ABHD4: variants seen among roughly 807,000 people sequenced by gnomAD.
ABHD4 encodes the protein abhydrolase domain containing 4, N-acyl phospholipase B, also known as (Lyso)-N-acylphosphatidylethanolamine lipase.
ABHD4 carries 35 observed loss-of-function variants against 42.3 expected under a neutral mutation model. The ratio of observed to expected loss-of-function variants is 0.83; its 90% CI spans 0.63 to 1.10. The LOEUF (loss-of-function observed/expected upper bound fraction) is 1.10, where lower values mean the gene tolerates loss of function less well. Ranked by LOEUF, ABHD4 falls within the 50% of genes least tolerant of loss-of-function variation. ABHD4 has a pLI of 0.00. For synonymous variants in ABHD4, 169 were observed against 170.6 expected, an observed-to-expected ratio of 0.99 and a Z score of 0.07; for missense variants, 389 against 454.8, an observed-to-expected ratio of 0.86 and a Z score of 1.32.
chr14:22,611,055 A>G lies in ABHD4; in HGVS notation c.*107A>G. The G allele has an allele frequency of 1.0e-6, 1 of 961,678 alleles. No homozygotes were observed. The highest frequency in any genetic ancestry group is 1.6e-6 in the Non-Finnish European group (1 of 616,292). The allele number at this position is 961,678 out of a possible 1,614,324, so 59.6% of individuals were successfully genotyped here. ...CCTCACCAACTAACATGTGCCAGCC[A>G]GGCAGAGTCTTGTGCTGTTCCCAGA... is the stretch of plus-strand genomic sequence containing the variant. On this transcript the variant is annotated 3_prime_UTR_variant, in exon 7 of 7. Transcript: ENST00000428304.
chr14:22,599,712 A>G (rs890720981), intron 1 of ABHD4, among the ~76,000 whole-genome samples: 2 of 152,164 alleles, frequency 1.3e-5, no homozygotes, highest in African/African-American at 4.8e-5. Flanking sequence ...ACAATGTGGG[A>G]TCCAGGTGTT....
intron 2 of ABHD4, among the ~76,000 whole-genome samples, chr14:22,603,121 G>A (rs1488738184): frequency 1.3e-5 from 2 of 152,186 alleles, no homozygotes; most frequent in African/African-American, 4.8e-5. Flanking sequence ...GACTTTGCAG[G>A]ATTCTTGCTA....
intron 5 of ABHD4, 183 bp from the exon 6 acceptor site, chr14:22,609,541 A>G: frequency 1.7e-6 from 1 of 582,064 alleles, no homozygotes. Flanking sequence ...GTTCCTCCGA[A>G]CTCTTCTGTG....
intron 5 of ABHD4, 134 bp from the exon 6 acceptor site, chr14:22,609,590 A>G (rs900935570): frequency 2.6e-5 from 26 of 992,072 alleles, no homozygotes; most frequent in Middle Eastern, 6.7e-4. Flanking sequence ...CCCTAATCTT[A>G]CCAATATTTA....
intron 5 of ABHD4, 104 bp from the exon 6 acceptor site, chr14:22,609,620 T>C: frequency 7.7e-7 from 1 of 1,290,592 alleles, no homozygotes; most frequent in South Asian, 1.4e-5. Context: ...GTGTGGGGCT[T>C]TGACAGGAAT....
Position 22,603,293 on chromosome 14 carries a change from C to T in ABHD4, c.113-97C>T, listed in dbSNP as rs1348045660. 20 of 1,488,276 alleles carry T rather than the reference C, an allele frequency of 1.3e-5. 1 individual carries two copies. The highest frequency in any genetic ancestry group is 5.5e-5 in the African/African-American group (4 of 72,190). The allele number at this position is 1,488,276 out of a possible 1,614,324, so 92.2% of individuals were successfully genotyped here. On this transcript the variant is annotated intron_variant, in intron 2 of 6. Transcript: ENST00000428304. ...GAGCTGAGGGAAGTTGGGGAGGGTT[C>T]GGGAATGGAGAGAATGTGAAGAGTG...
intron 1 of ABHD4, chr14:22,598,726 G>C (rs57826114): frequency 2.7e-6 from 1 of 375,706 alleles, no homozygotes. Flanking sequence ...GGCAGTCGTG[G>C]GGATGGAGAG....
chr14:22,601,044 C>A (rs1372542887), intron 1 of ABHD4, among the ~76,000 whole-genome samples: 1 of 152,164 alleles, frequency 6.6e-6, no homozygotes, highest in Non-Finnish European at 1.5e-5. Flanking sequence ...CCAGAGGGAA[C>A]CTGTGTCCTG....
At chr14:22,601,323 C>T (rs548873715) in intron 1 of ABHD4, among the ~76,000 whole-genome samples, 1 of 152,308 alleles carries the variant, frequency 6.6e-6, no homozygotes, top group South Asian at 2.1e-4. Flanking sequence ...TTAAAAGATG[C>T]CTCTCCCTTT....
Position 22,611,743 on chromosome 14 carries a change from G to T in ABHD4, c.*795G>T, listed in dbSNP as rs986784762. ...CACATTCTAGCCCCACTATGCGGGG[G>T]TGCTGTTGTCCTGCCTGTGTCTCAT... On this transcript the variant is annotated 3_prime_UTR_variant, in exon 7 of 7. Transcript: ENST00000428304. 3.9e-5 allele frequency: 6 copies of T among 152,880 alleles called. No individual in the cohort carries two copies. Among genetic ancestry groups the T allele is most frequent in the Admixed American group, 1.3e-4 (2 of 15,298 alleles). The allele number at this position is 152,880 out of a possible 1,614,324, so 9.5% of individuals were successfully genotyped here. A position where few individuals can be genotyped will look rare whatever the true frequency, so the allele number is the denominator to read the frequency against.
intron 5 of ABHD4, among the ~76,000 whole-genome samples, chr14:22,609,020 CAG>C (rs1453642937): frequency 6.1e-5 from 9 of 147,626 alleles, no homozygotes; most frequent in African/African-American, 2.3e-4. Context: ...TTTTTTGAGA[CAG>C]AGTCTCGCTC....
intron 1 of ABHD4, chr14:22,598,630 T>C: frequency 1.6e-6 from 1 of 626,040 alleles, no homozygotes; most frequent in Admixed American, 2.7e-5. Context: ...TCCATGTTGA[T>C]GTGTGAGATC....
intron 6 of ABHD4, among the ~76,000 whole-genome samples, chr14:22,610,534 C>T (rs1359793524): frequency 2.0e-5 from 3 of 152,166 alleles, no homozygotes; most frequent in Non-Finnish European, 4.4e-5. Flanking sequence ...TACCCCTCTC[C>T]GCCATGTGCC....
intron 4 of ABHD4, among the ~76,000 whole-genome samples, chr14:22,605,073 G>C (rs1159786998): frequency 6.6e-6 from 1 of 152,158 alleles, no homozygotes; most frequent in Non-Finnish European, 1.5e-5. Context: ...ACTTGTCCAG[G>C]CAAGCACCAC....
At chr14:22,600,006 A>G (rs369037202) in intron 1 of ABHD4, 65 of 299,576 alleles carry the variant, frequency 2.2e-4, no homozygotes, top group African/African-American at 1.3e-3. Flanking sequence ...TAGACAACTT[A>G]TGATTTAGCT....
At chr14:22,606,340 G>A (rs926836295) in intron 4 of ABHD4, 82 bp from the exon 5 acceptor site, 4 of 907,184 alleles carry the variant, frequency 4.4e-6, no homozygotes, top group South Asian at 1.4e-5. Context: ...TTTAGTTAAA[G>A]TTCTCAAAAC....
Position 22,606,590 on chromosome 14 carries a change from T to G in ABHD4, c.752+57T>G. Reference sequence around the variant, plus strand: ...AGACAGTTGTTAGGAGATAAAACTCTTAGCTGCTGGAGTTCTGGGCTTTAT... The same window carrying G: ...AGACAGTTGTTAGGAGATAAAACTCGTAGCTGCTGGAGTTCTGGGCTTTAT... On this transcript the variant is annotated intron_variant, in intron 5 of 6. Coordinates refer to ENST00000428304, the MANE Select transcript of ABHD4 (RefSeq NM_022060.3). 3.3e-6 allele frequency: 4 copies of G among 1,225,140 alleles called. No homozygotes were observed. In the South Asian group the frequency reaches 3.8e-5, roughly 12 times the overall value. The allele number at this position is 1,225,140 out of a possible 1,614,324, so 75.9% of individuals were successfully genotyped here. A position where few individuals can be genotyped will look rare whatever the true frequency, so the allele number is the denominator to read the frequency against.
In ABHD4 at chr14:22,603,671, C is replaced by A. The variant is rs949135495; in HGVS notation, c.394C>A (p.Arg132=). ...GTTTGTGACATCGATAGAGACATGG[C>A]GGGAGACCATGGGGATCCCCAGCAT... ...DEFVTSIETW[R]ETMGIPSMIL... Residue 132 remains arginine (R), a synonymous_variant, in exon 3 of 7, where the codon CGG becomes AGG. Coordinates refer to ENST00000428304, the MANE Select transcript of ABHD4 (RefSeq NM_022060.3). 1.2e-6 allele frequency: 2 copies of A among 1,613,360 alleles called. No individual in the cohort carries two copies. Among genetic ancestry groups the A allele is most frequent in the Non-Finnish European group, 1.7e-6 (2 of 1,179,652 alleles).
chr14:22,611,053 C>A lies in ABHD4; in HGVS notation c.*105C>A. ...TTCCTCACCAACTAACATGTGCCAG[C>A]CAGGCAGAGTCTTGTGCTGTTCCCA... On this transcript the variant is annotated 3_prime_UTR_variant, in exon 7 of 7. Coordinates refer to ENST00000428304, the MANE Select transcript of ABHD4 (RefSeq NM_022060.3). The A allele has an allele frequency of 2.1e-6, 2 of 966,796 alleles. No homozygotes were observed. Among genetic ancestry groups the A allele is most frequent in the Non-Finnish European group, 1.6e-6 (1 of 620,266 alleles). 59.9% of individuals were successfully genotyped at this position (966,796 alleles called of 1,614,324 possible). A position where few individuals can be genotyped will look rare whatever the true frequency, so the allele number is the denominator to read the frequency against.
Sources: gnomAD v4.1 joint callset for allele counts (sites outside exome capture counted in the v4.1 genomes callset) on GRCh38, gnomAD v4.1.1 for gene constraint, MANE v1.5 for transcripts, NCBI Gene and HGNC (gene_info 2026-07-23, HGNC 2026-07-21) for gene names.